AFF1: variants seen among roughly 807,000 people sequenced by gnomAD.
AFF1 encodes the protein ALF transcription elongation factor 1.
A neutral mutation model predicts 121.7 loss-of-function variants in AFF1; 48 were observed. The observed-to-expected ratio is 0.39, with a 90% CI of 0.31 to 0.50. AFF1 has a LOEUF of 0.50. Among genes scored for constraint, AFF1 ranks in the 20% least tolerant of loss-of-function variants. The pLI is 0.76. For missense variants in AFF1, 1,523 were observed against 1,511.7 expected, an observed-to-expected ratio of 1.01 and a Z score of -0.12; for synonymous variants, 613 against 563.0, an observed-to-expected ratio of 1.09 and a Z score of -1.26.
chr4:86,940,552 C>T (rs1720379371), intron 1 of AFF1, among the ~76,000 whole-genome samples: 1 of 152,108 alleles, frequency 6.6e-6, no homozygotes, highest in African/African-American at 2.4e-5. Context: ...GCATGTGCCA[C>T]CACGACCAGC....
chr4:87,022,592 A>ATATATATACATATATATATATATATC (rs1465084690), intron 2 of AFF1, among the ~76,000 whole-genome samples: 1 of 99,846 alleles, frequency 1.0e-5, no homozygotes, highest in African/African-American at 4.7e-5. Context: ...ATCTATCTAT[A>ATATATATACATATATATATATATATC]TCTATCTGTG....
At chr4:87,014,247 G>A (rs1023468482) in intron 2 of AFF1, among the ~76,000 whole-genome samples, 2 of 152,060 alleles carry the variant, frequency 1.3e-5, no homozygotes, top group African/African-American at 4.8e-5. Context: ...ATGCGTTGTG[G>A]GCTCCCTCCC....
chr4:86,947,537 CTAAGA>C (rs1189303405), intron 1 of AFF1, among the ~76,000 whole-genome samples: 1 of 152,138 alleles, frequency 6.6e-6, no homozygotes, highest in East Asian at 1.9e-4. Flanking sequence ...CCAGTCTGTA[CTAAGA>C]TAATTTAGTA....
intron 2 of AFF1, among the ~76,000 whole-genome samples, chr4:86,958,632 C>T (rs1015282326): frequency 6.6e-6 from 1 of 152,010 alleles, no homozygotes; most frequent in Non-Finnish European, 1.5e-5. Context: ...GCAGGCGAAC[C>T]ACTTCAACCC....
chr4:86,964,096 G>T (rs1722355245), intron 2 of AFF1, among the ~76,000 whole-genome samples: 1 of 150,584 alleles, frequency 6.6e-6, no homozygotes. Context: ...GGGATTACAG[G>T]CATGAACCAC....
intron 2 of AFF1, among the ~76,000 whole-genome samples, chr4:86,954,306 A>G (rs969538030): frequency 3.9e-5 from 6 of 152,214 alleles, no homozygotes; most frequent in Non-Finnish European, 8.8e-5. Flanking sequence ...AAGCTTAACT[A>G]CTAATTAGCC....
intron 8 of AFF1, among the ~76,000 whole-genome samples, chr4:87,098,021 T>G (rs1730649258): frequency 6.6e-6 from 1 of 152,154 alleles, no homozygotes; most frequent in African/African-American, 2.4e-5. Flanking sequence ...AATTATTAAT[T>G]GCAGGGTCAT....
intron 2 of AFF1, among the ~76,000 whole-genome samples, chr4:86,971,244 G>A (rs763827524): frequency 2.0e-5 from 3 of 152,140 alleles, no homozygotes; most frequent in Non-Finnish European, 2.9e-5. Flanking sequence ...TGGCAACTTC[G>A]GTGCTCTGTT....
chr4:87,134,739 T>G, intron 20 of AFF1, 45 bp downstream of exon 20: 1 of 1,485,920 alleles, frequency 6.7e-7, no homozygotes, highest in Non-Finnish European at 9.3e-7. Context: ...GTGTTTGGAT[T>G]GGGAGGAATA....
chr4:86,960,576 G>T (rs1391361004), intron 2 of AFF1, among the ~76,000 whole-genome samples: 1 of 152,146 alleles, frequency 6.6e-6, no homozygotes, highest in African/African-American at 2.4e-5. Context: ...TAGTTACAAG[G>T]CTTTGAGTAT....
chr4:86,980,961 C>A (rs1476163963), intron 2 of AFF1, among the ~76,000 whole-genome samples: 6 of 146,942 alleles, frequency 4.1e-5, no homozygotes, highest in Non-Finnish European at 4.5e-5. Context: ...CCCCCCTCCA[C>A]CAAAAAAAAG....
At chr4:87,024,589 T>C (rs1274371484) in intron 2 of AFF1, among the ~76,000 whole-genome samples, 1 of 148,640 alleles carries the variant, frequency 6.7e-6, no homozygotes, top group African/African-American at 2.4e-5. Context: ...TTCATCCTCC[T>C]TTAGGATCCT....
rs555502869 is a variant in AFF1 at position 87,079,577 on chromosome 4, A to G, written c.1060-4543A>G. Among the ~76,000 whole-genome samples, 47 of 152,326 alleles carry G rather than the reference A, an allele frequency of 3.1e-4. 1 individual carries two copies. The South Asian group carries it at 9.5e-3, about 31-fold the overall frequency. On this transcript the variant is annotated intron_variant, in intron 4 of 20. Transcript: ENST00000395146. ...GAATCACACACCCTCCTAAAATGCT[A>G]ATATATTTGTTTCTTGCAGCAGTGT...
intron 4 of AFF1, among the ~76,000 whole-genome samples, chr4:87,052,086 G>A (rs1030330825): frequency 6.6e-6 from 1 of 152,016 alleles, no homozygotes; most frequent in Admixed American, 6.6e-5. Context: ...GCTCAGAGAC[G>A]TATTTCATTT....
chr4:87,097,448 G>C (rs1159369923), intron 8 of AFF1, among the ~76,000 whole-genome samples: 1 of 152,218 alleles, frequency 6.6e-6, no homozygotes, highest in Non-Finnish European at 1.5e-5. Context: ...TCAGTGAAAT[G>C]AGTGGTTTTC....
intron 2 of AFF1, among the ~76,000 whole-genome samples, chr4:86,980,067 C>T (rs1184524309): frequency 6.6e-6 from 1 of 152,138 alleles, no homozygotes; most frequent in East Asian, 1.9e-4. Flanking sequence ...TGTGCCACCA[C>T]ACCCGGCTAA....
At chr4:87,087,625 C>T (rs1723865729) in intron 5 of AFF1, among the ~76,000 whole-genome samples, 2 of 152,296 alleles carry the variant, frequency 1.3e-5, no homozygotes, top group South Asian at 4.1e-4. Context: ...TTAATAATGG[C>T]CCCAGTTCTC....
intron 20 of AFF1, among the ~76,000 whole-genome samples, chr4:87,134,919 T>C (rs1455989946): frequency 6.6e-6 from 1 of 152,182 alleles, no homozygotes; most frequent in Admixed American, 6.5e-5. Context: ...AAAACCAAAA[T>C]ACAAGTGGCT....
intron 8 of AFF1, among the ~76,000 whole-genome samples, chr4:87,101,301 G>A (rs1485889505): frequency 6.6e-6 from 1 of 152,108 alleles, no homozygotes; most frequent in Non-Finnish European, 1.5e-5. Context: ...GGATTCTACG[G>A]CCAGGCTCAC....
Sources: gnomAD v4.1 joint callset for allele counts (sites outside exome capture counted in the v4.1 genomes callset) on GRCh38, gnomAD v4.1.1 for gene constraint, MANE v1.5 for transcripts, NCBI Gene and HGNC (gene_info 2026-07-23, HGNC 2026-07-21) for gene names.